Variants in IFRD1 observed in about 807,000 individuals in gnomAD.
IFRD1 encodes interferon related developmental regulator 1.
A neutral mutation model predicts 52.9 loss-of-function variants in IFRD1; 35 were observed. That is an observed-to-expected ratio of 0.66 (90% CI 0.51 to 0.88). The LOEUF is 0.88. Among genes scored for constraint, IFRD1 ranks in the 40% least tolerant of loss-of-function variants. The probability of loss-of-function intolerance (pLI) is 0.00; values close to 1 mark genes in which losing one functional copy is unlikely to be tolerated. For missense variants in IFRD1, 517 were observed against 550.8 expected (o/e 0.94, Z 0.61); for synonymous variants, 184 against 188.4 (o/e 0.98, Z 0.19).
At chr7:112,467,851 A>ATT (rs1235967357) in intron 8 of IFRD1, 130 bp from the exon 9 acceptor site, 2 of 892,418 alleles carry the variant, frequency 2.2e-6, no homozygotes, top group Non-Finnish European at 3.6e-6. Flanking sequence ...TAGTCCCTAA[A>ATT]TACCATGAAG....
chr7:112,432,905 G>A (rs1794577778), intron 1 of IFRD1, among the ~76,000 whole-genome samples: 1 of 152,208 alleles, frequency 6.6e-6, no homozygotes, highest in Non-Finnish European at 1.5e-5. Context: ...AGGAGTCTTT[G>A]AAAACAGAGT....
chr7:112,471,576 T>A (rs907421205), intron 9 of IFRD1, among the ~76,000 whole-genome samples: 1 of 152,124 alleles, frequency 6.6e-6, no homozygotes, highest in African/African-American at 2.4e-5. Context: ...CTATTCCAGC[T>A]GACTTTTTTT....
At chr7:112,469,633 T>C (rs1795697206) in intron 9 of IFRD1, among the ~76,000 whole-genome samples, 1 of 152,210 alleles carries the variant, frequency 6.6e-6, no homozygotes, top group African/African-American at 2.4e-5. Flanking sequence ...ATTTCAAGTT[T>C]TCTGCCCTCA....
intron 11 of IFRD1, among the ~76,000 whole-genome samples, chr7:112,473,428 TC>T (rs1356806179): frequency 4.6e-5 from 7 of 151,876 alleles, no homozygotes; most frequent in African/African-American, 1.7e-4. Context: ...ACTTAACATT[TC>T]TTTTTTTTTT....
intron 1 of IFRD1, among the ~76,000 whole-genome samples, chr7:112,443,343 T>TTGGGAGGCTGAGC (rs111911327): frequency 0.9 from 135,956 of 151,558 alleles, 61,262 homozygotes; most frequent in African/African-American, 0.97. Flanking sequence ...TCCCAGCACT[T>TTGGGAGGCTGAGC]TGGGAGGACT....
intron 1 of IFRD1, among the ~76,000 whole-genome samples, chr7:112,423,921 C>T (rs892550092): frequency 1.3e-5 from 2 of 152,170 alleles, no homozygotes; most frequent in Non-Finnish European, 2.9e-5. Context: ...AGGCATCTGC[C>T]GTACTGTAAC....
intron 1 of IFRD1, among the ~76,000 whole-genome samples, chr7:112,427,602 C>A (rs996307936): frequency 6.6e-6 from 1 of 152,112 alleles, no homozygotes; most frequent in Non-Finnish European, 1.5e-5. Flanking sequence ...AGAAAAACAA[C>A]ATAAACGATA....
chr7:112,446,675 G>T (rs1795037120), upstream of IFRD1, among the ~76,000 whole-genome samples: 1 of 152,158 alleles, frequency 6.6e-6, no homozygotes, highest in Non-Finnish European at 1.5e-5. Context: ...GATCTGAATG[G>T]CAAGTGTGGG....
rs771288926 is a variant in IFRD1, at chr7:112,472,354, G to T, written c.1170+7G>T. On this transcript the variant is annotated splice_region_variant and intron_variant, in intron 10 of 11. Transcript: ENST00000403825. ...GATGCAGTACCACTTGCAGGTAAGT[G>T]TCATCCTTTCTACATATTTGCTTTT... 2 of 1,613,924 alleles carry T rather than the reference G, an allele frequency of 1.2e-6. No individual in the cohort carries two copies. Among genetic ancestry groups the T allele is most frequent in the Non-Finnish European group, 1.7e-6 (2 of 1,179,864 alleles).
intron 1 of IFRD1, among the ~76,000 whole-genome samples, chr7:112,445,249 G>C (rs1794995945): frequency 6.6e-6 from 1 of 151,816 alleles, no homozygotes; most frequent in African/African-American, 2.4e-5. Flanking sequence ...TATATTTTTA[G>C]TAGAGACGGG....
Position 112,461,903 on chromosome 7 carries a change from C to A in IFRD1, c.605C>A (p.Thr202Lys). 6.2e-7 allele frequency: 1 copy of A among 1,607,140 alleles called. No homozygotes were observed. Among genetic ancestry groups the A allele is most frequent in the African/African-American group, 1.3e-5 (1 of 74,754 alleles). The change falls in exon 6 of 12, where the codon ACA becomes AAA. Residue 202 changes from threonine (T) to lysine (K), a missense_variant. Coordinates refer to ENST00000403825, the MANE Select transcript of IFRD1 (RefSeq NM_001550.4). ...TTTGGTGTTTGCTGTTTTATTGCCA[C>A]AGATGACATTACTGTAAGTAAAAAA... ...TCFGVCCFIA[T>K]DDITELYSTL...
intron 1 of IFRD1, among the ~76,000 whole-genome samples, chr7:112,434,088 G>T (rs1186522273): frequency 6.6e-6 from 1 of 152,252 alleles, no homozygotes; most frequent in African/African-American, 2.4e-5. Flanking sequence ...GTCCCAAAGT[G>T]CTAGGATTAC....
At position 112,455,759 on chromosome 7, in the gene IFRD1, A is replaced by G. The variant is rs1304833014; in HGVS notation, c.95-4A>G. The G allele has an allele frequency of 6.3e-7, 1 of 1,591,984 alleles. No homozygotes were observed. Among genetic ancestry groups the G allele is most frequent in the Admixed American group, 1.7e-5 (1 of 59,998 alleles). ...ATTTACCTCTTTCCTCTTTTACCTA[A>G]TAGGTGGCCAGCATCGAAATGTTCA... On this transcript the variant is annotated splice_region_variant and splice_polypyrimidine_tract_variant and intron_variant, in intron 1 of 11. Coordinates refer to ENST00000403825, the MANE Select transcript of IFRD1 (RefSeq NM_001550.4).
Position 112,468,004 on chromosome 7 carries a change from G to T in IFRD1, c.930G>T (p.Glu310Asp). ...AGGACTTTTTTTATGAAGACATGGA[G>T]TCCTTGACGCAGATGCTTAGGGCCT... ...IESDFFYEDM[E>D]SLTQMLRALA... is the part of the protein sequence containing the mutation. Residue 310 changes from glutamate to aspartate, a missense_variant, in exon 9 of 12, where the codon GAG becomes GAT. Glu to Asp is a conservative substitution (Grantham distance 45, BLOSUM62 2). Transcript: ENST00000403825. 1 of 1,614,036 alleles carries T rather than the reference G, an allele frequency of 6.2e-7. No individual in the cohort carries two copies. Among genetic ancestry groups the T allele is most frequent in the Non-Finnish European group, 8.5e-7 (1 of 1,179,938 alleles).
At chr7:112,458,783 C>T in intron 4 of IFRD1, 78 bp from the exon 5 acceptor site, 2 of 1,345,512 alleles carry the variant, frequency 1.5e-6, no homozygotes, top group Non-Finnish European at 2.1e-6. Flanking sequence ...TGTCATTGAT[C>T]AAATTTGGGA....
intron 1 of IFRD1, among the ~76,000 whole-genome samples, chr7:112,425,536 A>G (rs1452702250): frequency 6.6e-6 from 1 of 152,132 alleles, no homozygotes; most frequent in Admixed American, 6.5e-5. Context: ...CTTGTACCAG[A>G]GGCTTCTCAG....
At chr7:112,451,287 G>C (rs1219699450) in intron 1 of IFRD1, 1 of 160,418 alleles carries the variant, frequency 6.2e-6, no homozygotes, top group Non-Finnish European at 1.4e-5. Context: ...GTGGGCCCGG[G>C]GTGACGCAGA....
intron 9 of IFRD1, among the ~76,000 whole-genome samples, chr7:112,471,198 A>G (rs1795736636): frequency 6.6e-6 from 1 of 152,130 alleles, no homozygotes; most frequent in South Asian, 2.1e-4. Context: ...TGTTTGCCTC[A>G]CATGCATGTC....
intron 4 of IFRD1, 169 bp downstream of exon 4, chr7:112,457,207 TTG>T (rs1795317106): frequency 7.0e-6 from 5 of 715,830 alleles, no homozygotes; most frequent in Non-Finnish European, 1.2e-5. Flanking sequence ...TGTTAGAACT[TTG>T]TTTTTGTATT....
Sources: allele counts gnomAD v4.1 joint callset (sites outside exome capture counted in the v4.1 genomes callset), GRCh38; gene constraint gnomAD v4.1.1; transcripts MANE v1.5; gene names NCBI Gene and HGNC (gene_info 2026-07-23, HGNC 2026-07-21).